WNT2: variants seen among roughly 807,000 people sequenced by gnomAD.
WNT2 encodes Wnt family member 2, also known as protein Wnt-2.
Under a neutral mutation model 36.9 loss-of-function variants are expected in WNT2, and 12 were observed. The ratio of observed to expected loss-of-function variants is 0.33; its 90% CI spans 0.21 to 0.53. The LOEUF (loss-of-function observed/expected upper bound fraction) is 0.53, where lower values mean the gene tolerates loss of function less well. WNT2 is among the 20% of genes least tolerant of loss of function. The pLI, the probability that WNT2 is intolerant of heterozygous loss-of-function variation, is 0.95. For missense variants in WNT2, 379 were observed against 473.1 expected, an observed-to-expected ratio of 0.80 and a Z score of 1.84; for synonymous variants, 163 against 174.6, an observed-to-expected ratio of 0.93 and a Z score of 0.52.
chr7:117,319,438 C>T (rs1006706687), intron 2 of WNT2, among the ~76,000 whole-genome samples: 1 of 151,256 alleles, frequency 6.6e-6, no homozygotes, highest in Non-Finnish European at 1.5e-5. Flanking sequence ...CCTCATAAAA[C>T]CCTAGGGCTG....
At chr7:117,298,842 C>A (rs1794845940) in intron 3 of WNT2, among the ~76,000 whole-genome samples, 1 of 152,172 alleles carries the variant, frequency 6.6e-6, no homozygotes, top group Admixed American at 6.5e-5. Context: ...ACTGCTCTTC[C>A]CATTTTATAG....
intron 2 of WNT2, among the ~76,000 whole-genome samples, chr7:117,318,352 A>G (rs1445030197): frequency 6.6e-6 from 1 of 152,196 alleles, no homozygotes; most frequent in Non-Finnish European, 1.5e-5. Context: ...CCAACACAAA[A>G]TCATCACTGA....
At chr7:117,304,200 G>C (rs747470516) in intron 3 of WNT2, among the ~76,000 whole-genome samples, 3 of 152,200 alleles carry the variant, frequency 2.0e-5, no homozygotes, top group Non-Finnish European at 2.9e-5. Flanking sequence ...AACTTTGAAA[G>C]TATACCTCCA....
intron 4 of WNT2, among the ~76,000 whole-genome samples, chr7:117,291,348 C>A (rs575602958): frequency 6.6e-6 from 1 of 152,124 alleles, no homozygotes; most frequent in Non-Finnish European, 1.5e-5. Flanking sequence ...TCAGGGTGAC[C>A]TCTGGCCCAG....
Position 117,322,935 on chromosome 7 carries a change from G to C in WNT2, c.55C>G (p.Leu19Val), listed in dbSNP as rs1584700949. 3.1e-6 allele frequency: 5 copies of C among 1,613,820 alleles called. No homozygotes were observed. The East Asian group carries it at 1.1e-4, about 36-fold the overall frequency. Residue 19 changes from leucine to valine, a missense_variant, in exon 1 of 5, where the codon CTC (leucine) becomes GTC (valine). Physicochemically the swap from Leu to Val is conservative, Grantham distance 32 (BLOSUM62 1). Transcript: ENST00000265441. The surrounding 1 kb of genome is among the most constrained non-coding windows in gnomAD (Gnocchi z 5.4). ...WLWLPLLLTW[L>V]TPEVNSSWWY... ...CATGAAGAGTTGACCTCGGGGGTGA[G>C]CCAGGTCAAGAGCAGAGGGAGCCAG...
At chr7:117,294,867 G>A (rs1484470730) in intron 4 of WNT2, among the ~76,000 whole-genome samples, 3 of 152,168 alleles carry the variant, frequency 2.0e-5, no homozygotes, top group Non-Finnish European at 4.4e-5. Context: ...GAGGCAGGTG[G>A]ATCACTTGAG....
Position 117,278,065 on chromosome 7 carries a change from T to TC in WNT2, c.*89dup, listed in dbSNP as rs753709083. 2.8e-6 allele frequency: 4 copies of TC among 1,433,800 alleles called. No homozygotes were observed. Among genetic ancestry groups the TC allele is most frequent in the East Asian group, 2.3e-5 (1 of 43,494 alleles). The allele number at this position is 1,433,800 out of a possible 1,614,324, so 88.8% of individuals were successfully genotyped here. A position where few individuals can be genotyped will look rare whatever the true frequency, so the allele number is the denominator to read the frequency against. ...TAAAGGCCACATGCCTTAGGAAATATCCCCCCAGAAAGAACCCAAAGGTCC... is the reference window on the plus strand; with the variant it reads ...TAAAGGCCACATGCCTTAGGAAATATCCCCCCCAGAAAGAACCCAAAGGTCC... On this transcript the variant is annotated 3_prime_UTR_variant, in exon 5 of 5. Transcript: ENST00000265441.
intron 4 of WNT2, among the ~76,000 whole-genome samples, chr7:117,288,466 A>G (rs953892970): frequency 1.3e-5 from 2 of 152,238 alleles, no homozygotes; most frequent in Admixed American, 1.3e-4. Flanking sequence ...TAAAAAAGAT[A>G]TTTACCAGTA....
chr7:117,310,959 G>A (rs1795109634), intron 3 of WNT2, among the ~76,000 whole-genome samples: 1 of 152,102 alleles, frequency 6.6e-6, no homozygotes, highest in South Asian at 2.1e-4. Context: ...GTTTCTTATG[G>A]TCAGGGGCTG....
At chr7:117,319,577 C>T (rs1472333854) in intron 2 of WNT2, among the ~76,000 whole-genome samples, 2 of 151,626 alleles carry the variant, frequency 1.3e-5, no homozygotes, top group African/African-American at 2.4e-5. Context: ...GGGGTTTGCA[C>T]ATAAACTGCT....
chr7:117,308,907 G>C (rs1795067412), intron 3 of WNT2, among the ~76,000 whole-genome samples: 1 of 152,008 alleles, frequency 6.6e-6, no homozygotes, highest in Non-Finnish European at 1.5e-5. Context: ...GTCTTGGCCA[G>C]GCACAGTGGC....
chr7:117,283,420 G>T (rs150172974), intron 4 of WNT2, among the ~76,000 whole-genome samples: 2 of 152,184 alleles, frequency 1.3e-5, no homozygotes, highest in Non-Finnish European at 1.5e-5. Context: ...TTTATCTGCC[G>T]TAGGGCTTTG....
chr7:117,296,250 C>G (rs969226557), intron 4 of WNT2, among the ~76,000 whole-genome samples: 2 of 152,194 alleles, frequency 1.3e-5, no homozygotes, highest in Non-Finnish European at 2.9e-5. Context: ...AGGAATGCAG[C>G]GGGGCACAGC....
At chr7:117,291,841 G>A (rs905752664) in intron 4 of WNT2, among the ~76,000 whole-genome samples, 13 of 150,778 alleles carry the variant, frequency 8.6e-5, no homozygotes, top group African/African-American at 3.2e-4. Flanking sequence ...GCAATGGTGT[G>A]ATCTCGGCTC....
chr7:117,294,726 T>C (rs925286016), intron 4 of WNT2, among the ~76,000 whole-genome samples: 4 of 152,106 alleles, frequency 2.6e-5, no homozygotes, highest in African/African-American at 9.7e-5. Flanking sequence ...GAAAGTAAGT[T>C]ATATAGCTTT....
At chr7:117,283,562 G>A (rs1440764589) in intron 4 of WNT2, among the ~76,000 whole-genome samples, 1 of 152,178 alleles carries the variant, frequency 6.6e-6, no homozygotes, top group African/African-American at 2.4e-5. Context: ...TGAGCTTGTG[G>A]TCTGACTCAG....
intron 4 of WNT2, among the ~76,000 whole-genome samples, chr7:117,282,585 G>A (rs1005980122): frequency 6.6e-5 from 10 of 152,220 alleles, no homozygotes; most frequent in African/African-American, 2.4e-4. Context: ...GAGCAGGAAA[G>A]TGTTCCCTGT....
At chr7:117,293,616 A>T (rs1175830015) in intron 4 of WNT2, among the ~76,000 whole-genome samples, 1 of 152,232 alleles carries the variant, frequency 6.6e-6, no homozygotes, top group Non-Finnish European at 1.5e-5. Context: ...CTTGATTTAA[A>T]TTTGACTGCA....
intron 4 of WNT2, among the ~76,000 whole-genome samples, chr7:117,278,738 A>C (rs733153): frequency 0.17 from 26,151 of 152,202 alleles, 3,006 homozygotes; most frequent in East Asian, 0.5. Flanking sequence ...GAGCCAGATC[A>C]GAATAAAAGA....
Sources: allele counts gnomAD v4.1 joint callset (sites outside exome capture counted in the v4.1 genomes callset), GRCh38; gene constraint gnomAD v4.1.1; non-coding constraint Gnocchi (gnomAD v3.1); transcripts MANE v1.5; gene names NCBI Gene and HGNC (gene_info 2026-07-23, HGNC 2026-07-21).